RALYL: variants seen among roughly 807,000 people sequenced by gnomAD.
RALYL encodes the protein RNA-binding Raly-like protein.
A neutral mutation model predicts 35.1 loss-of-function variants in RALYL; 29 were observed. The ratio of observed to expected loss-of-function variants is 0.83; its 90% CI spans 0.61 to 1.13. RALYL has a LOEUF of 1.13. RALYL is among the 50% of genes most tolerant of loss of function. RALYL has a pLI of 0.00. For missense variants in RALYL, 359 were observed against 360.4 expected, an observed-to-expected ratio of 1.00 and a Z score of 0.03; for synonymous variants, 120 against 127.6, an observed-to-expected ratio of 0.94 and a Z score of 0.40.
At chr8:84,627,933 C>T (rs1438546671) in intron 2 of RALYL, among the ~76,000 whole-genome samples, 2 of 152,102 alleles carry the variant, frequency 1.3e-5, no homozygotes, top group African/African-American at 2.4e-5. Context: ...AGTTGATCCA[C>T]TCTAAAATTC....
At chr8:84,734,341 T>C (rs1315406267) in intron 2 of RALYL, among the ~76,000 whole-genome samples, 1 of 152,186 alleles carries the variant, frequency 6.6e-6, no homozygotes, top group Non-Finnish European at 1.5e-5. Flanking sequence ...AGACCTTAGG[T>C]ATAGTTCCTG....
At chr8:84,706,332 G>A (rs1383199320) in intron 2 of RALYL, among the ~76,000 whole-genome samples, 3 of 152,152 alleles carry the variant, frequency 2.0e-5, no homozygotes, top group Non-Finnish European at 4.4e-5. Flanking sequence ...GTCTAGCTCA[G>A]CATCCTTCAT....
chr8:84,463,950 C>A (rs998094085), intron 1 of RALYL, among the ~76,000 whole-genome samples: 3 of 151,934 alleles, frequency 2.0e-5, no homozygotes, highest in Non-Finnish European at 4.4e-5. Context: ...ATAGTTTCGC[C>A]TTTTCTAGAA....
At chr8:84,510,567 T>G (rs922343460) in intron 1 of RALYL, among the ~76,000 whole-genome samples, 1 of 152,066 alleles carries the variant, frequency 6.6e-6, no homozygotes, top group Non-Finnish European at 1.5e-5. Context: ...TCCCACCACT[T>G]TGGGAGGCCG....
chr8:84,567,386 C>T (rs1027830726), intron 2 of RALYL, among the ~76,000 whole-genome samples: 1 of 151,732 alleles, frequency 6.6e-6, no homozygotes, highest in Non-Finnish European at 1.5e-5. Context: ...TTGGAGTCCC[C>T]AGTGCCTATT....
At chr8:84,792,078 A>C (rs1820913255) in intron 3 of RALYL, among the ~76,000 whole-genome samples, 1 of 152,158 alleles carries the variant, frequency 6.6e-6, no homozygotes, top group South Asian at 2.1e-4. Context: ...GGGAGCTGAG[A>C]CTCCCAAAGC....
chr8:84,818,503 C>G (rs1827840359), intron 4 of RALYL, among the ~76,000 whole-genome samples: 1 of 152,098 alleles, frequency 6.6e-6, no homozygotes, highest in African/African-American at 2.4e-5. Context: ...TGAGTAGCAG[C>G]AGAGAAGGCA....
intron 1 of RALYL, among the ~76,000 whole-genome samples, chr8:84,296,374 AATTAT>A (rs1165473079): frequency 6.6e-6 from 1 of 152,076 alleles, no homozygotes; most frequent in Non-Finnish European, 1.5e-5. Flanking sequence ...GAAACCAGAA[AATTAT>A]CTTAGTGAGC....
chr8:84,728,792 C>T (rs1279072380), intron 2 of RALYL, among the ~76,000 whole-genome samples: 2 of 152,032 alleles, frequency 1.3e-5, no homozygotes, highest in Non-Finnish European at 1.5e-5. Flanking sequence ...TGTAGATATG[C>T]AGCATTATTT....
intron 1 of RALYL, among the ~76,000 whole-genome samples, chr8:84,213,970 G>A (rs1352051503): frequency 6.6e-6 from 1 of 152,136 alleles, no homozygotes; most frequent in Non-Finnish European, 1.5e-5. Flanking sequence ...AATGTGAACA[G>A]AGTTTAAGGA....
At chr8:84,398,745 G>A (rs191756518) in intron 1 of RALYL, among the ~76,000 whole-genome samples, 2 of 152,226 alleles carry the variant, frequency 1.3e-5, no homozygotes, top group East Asian at 3.9e-4. Context: ...AGGCCAAAGC[G>A]GGTCGATCAC....
intron 1 of RALYL, among the ~76,000 whole-genome samples, chr8:84,512,935 G>C (rs1258023108): frequency 1.3e-5 from 2 of 151,892 alleles, no homozygotes; most frequent in Non-Finnish European, 2.9e-5. Context: ...CATAGCCTTG[G>C]AATATATTTC....
intron 4 of RALYL, among the ~76,000 whole-genome samples, chr8:84,820,949 A>G (rs1358721221): frequency 6.6e-6 from 1 of 152,224 alleles, no homozygotes; most frequent in Non-Finnish European, 1.5e-5. Context: ...ATTTAAAAAT[A>G]AGATCTTAGT....
In RALYL at chr8:84,559,011, A is replaced by G. The variant is rs1032230826; in HGVS notation, c.256+29434A>G. ...TTCATCACATTTTCATGTCATTACC[A>G]TCATGTTTTTTCTGAAAAATAATTC... is the stretch of plus-strand genomic sequence containing the variant. On this transcript the variant is annotated intron_variant, in intron 2 of 8. Coordinates refer to ENST00000521268, the MANE Select transcript of RALYL (RefSeq NM_173848.7). 3.3e-5 allele frequency among the ~76,000 whole-genome samples: 5 copies of G among 152,116 alleles called. No homozygotes were observed. The East Asian group carries it at 5.8e-4, about 18-fold the overall frequency.
At chr8:84,466,529 G>C (rs980601488) in intron 1 of RALYL, among the ~76,000 whole-genome samples, 1 of 151,664 alleles carries the variant, frequency 6.6e-6, no homozygotes, top group Non-Finnish European at 1.5e-5. Context: ...TTGATGTGCT[G>C]CTGTATTCGT....
intron 5 of RALYL, among the ~76,000 whole-genome samples, chr8:84,859,269 G>A (rs1053347497): frequency 6.6e-6 from 1 of 152,082 alleles, no homozygotes; most frequent in African/African-American, 2.4e-5. Flanking sequence ...TTTTTCATCG[G>A]CCATGCAGAA....
At chr8:84,403,187 G>T (rs537911430) in intron 1 of RALYL, among the ~76,000 whole-genome samples, 4 of 151,886 alleles carry the variant, frequency 2.6e-5, no homozygotes, top group Admixed American at 6.6e-5. Context: ...GTCAATTTTT[G>T]CTTTTGTTGC....
chr8:84,806,927 T>C (rs1824773441), intron 4 of RALYL, among the ~76,000 whole-genome samples: 1 of 152,032 alleles, frequency 6.6e-6, no homozygotes, highest in African/African-American at 2.4e-5. Context: ...GGGAGGATCA[T>C]TTGAGCCCAG....
At chr8:84,369,365 T>C (rs1340749946) in intron 1 of RALYL, among the ~76,000 whole-genome samples, 3 of 152,062 alleles carry the variant, frequency 2.0e-5, no homozygotes, top group Non-Finnish European at 4.4e-5. Context: ...GAAAGAGATA[T>C]AGACAAGCCT....
Sources: allele counts gnomAD v4.1 joint callset (sites outside exome capture counted in the v4.1 genomes callset), GRCh38; gene constraint gnomAD v4.1.1; transcripts MANE v1.5; gene names NCBI Gene and HGNC (gene_info 2026-07-23, HGNC 2026-07-21).